SLC36A1: variants seen among roughly 807,000 people sequenced by gnomAD.
The protein encoded by SLC36A1 is solute carrier family 36 member 1.
In SLC36A1, 30 loss-of-function variants were observed where a neutral mutation model predicts 47.5. That is an observed-to-expected ratio of 0.63 (90% CI 0.47 to 0.86). SLC36A1 has a LOEUF of 0.86. Ranked by LOEUF, SLC36A1 falls within the 40% of genes least tolerant of loss-of-function variation. The pLI, the probability that SLC36A1 is intolerant of heterozygous loss-of-function variation, is 0.00. For synonymous variants in SLC36A1, 255 were observed against 249.7 expected (o/e 1.02, Z -0.20); for missense variants, 517 against 606.0 (o/e 0.85, Z 1.54).
the SLC36A1 span, among the ~76,000 whole-genome samples, chr5:151,420,451 C>T: frequency 6.6e-5 from 10 of 152,274 alleles, no homozygotes; most frequent in East Asian, 1.9e-4. Context: ...TCCTATGACA[C>T]GCTGCTGCTT....
At chr5:151,345,983 A>G in the SLC36A1 span, among the ~76,000 whole-genome samples, 3 of 152,230 alleles carry the variant, frequency 2.0e-5, no homozygotes, top group Admixed American at 1.3e-4. Context: ...TCTAGCTGGT[A>G]AGCAGCTAAG....
chr5:151,549,357 T>A, the SLC36A1 span: 2 of 1,614,048 alleles, frequency 1.2e-6, no homozygotes, highest in South Asian at 1.1e-5. Flanking sequence ...GGCTCGGACC[T>A]GCAGCAGCTC....
chr5:151,440,962 C>A (rs77237812), intron 1 of SLC36A1, among the ~76,000 whole-genome samples: 23 of 152,316 alleles, frequency 1.5e-4, no homozygotes, highest in Non-Finnish European at 5.9e-5. Context: ...TTCTACAGCA[C>A]GAGAGAGCAT....
At chr5:151,415,863 T>C in the SLC36A1 span, among the ~76,000 whole-genome samples, 26 of 152,280 alleles carry the variant, frequency 1.7e-4, no homozygotes, top group East Asian at 9.7e-4. Flanking sequence ...CCCAGCACTT[T>C]GGGAGGCTGA....
chr5:151,400,152 G>A, the SLC36A1 span, among the ~76,000 whole-genome samples: 1 of 152,170 alleles, frequency 6.6e-6, no homozygotes, highest in Admixed American at 6.5e-5. Context: ...TTCAACCCTT[G>A]CTCCCCTTCC....
the SLC36A1 span, among the ~76,000 whole-genome samples, chr5:151,408,035 TA>T: frequency 6.6e-6 from 1 of 152,336 alleles, no homozygotes; most frequent in Non-Finnish European, 1.5e-5. Context: ...CAGGGATTAT[TA>T]TCTTCATTTT....
the SLC36A1 span, chr5:151,380,296 C>A: frequency 3.8e-6 from 1 of 263,704 alleles, no homozygotes; most frequent in South Asian, 4.6e-5. Flanking sequence ...ACCAGCTTGG[C>A]CAACGTGGTG....
chr5:151,385,009 A>AGAGAGAGAGT, the SLC36A1 span, among the ~76,000 whole-genome samples: 1 of 128,466 alleles, frequency 7.8e-6, no homozygotes, highest in African/African-American at 3.6e-5. Flanking sequence ...AGAGAGAGAG[A>AGAGAGAGAGT]GTGTGTGTGT....
At chr5:151,532,636 A>C in the SLC36A1 span, among the ~76,000 whole-genome samples, 1 of 152,260 alleles carries the variant, frequency 6.6e-6, no homozygotes, top group East Asian at 1.9e-4. Context: ...ATAAAAAGTT[A>C]AGAAAACACC....
chr5:151,426,253 G>A, the SLC36A1 span, among the ~76,000 whole-genome samples: 1 of 152,116 alleles, frequency 6.6e-6, no homozygotes, highest in African/African-American at 2.4e-5. Context: ...TATAGAGAAA[G>A]AACAGTGGGC....
chr5:151,515,613 A>G, the SLC36A1 span, among the ~76,000 whole-genome samples: 1 of 152,074 alleles, frequency 6.6e-6, no homozygotes, highest in Non-Finnish European at 1.5e-5. Flanking sequence ...CCAGGCCAAA[A>G]TCTCACTACT....
chr5:151,353,263 T>C, the SLC36A1 span, among the ~76,000 whole-genome samples: 1 of 152,156 alleles, frequency 6.6e-6, no homozygotes, highest in East Asian at 1.9e-4. Context: ...ATTCTACAAA[T>C]TGTGAAACTG....
the SLC36A1 span, among the ~76,000 whole-genome samples, chr5:151,361,008 A>G: frequency 6.6e-6 from 1 of 152,184 alleles, no homozygotes; most frequent in East Asian, 1.9e-4. Flanking sequence ...AGGTTGGTGC[A>G]AAAGTAATCA....
chr5:151,550,653 G>A, the SLC36A1 span: 1 of 1,614,058 alleles, frequency 6.2e-7, no homozygotes, highest in Non-Finnish European at 8.5e-7. Flanking sequence ...CCGTTACCAG[G>A]ACACCACTGC....
chr5:151,500,905 C>T, the SLC36A1 span, among the ~76,000 whole-genome samples: 1 of 152,168 alleles, frequency 6.6e-6, no homozygotes, highest in Non-Finnish European at 1.5e-5. Flanking sequence ...CCAGAGAGCC[C>T]TCTGGTGGCT....
chr5:151,505,492 C>G, the SLC36A1 span: 29 of 1,576,094 alleles, frequency 1.8e-5, no homozygotes, highest in East Asian at 6.3e-4. Flanking sequence ...TCAACTCACC[C>G]CCTACGAGAC....
chr5:151,519,800 G>T, the SLC36A1 span, among the ~76,000 whole-genome samples: 150 of 152,190 alleles, frequency 9.9e-4, no homozygotes, highest in African/African-American at 3.3e-3. Context: ...GGTGATCCAT[G>T]AGTTTATCTA....
the SLC36A1 span, among the ~76,000 whole-genome samples, chr5:151,536,782 C>G: frequency 6.6e-6 from 1 of 152,200 alleles, no homozygotes; most frequent in East Asian, 1.9e-4. Context: ...GCATAGATAC[C>G]TTGAGATCAT....
At chr5:151,506,843 A>C in the SLC36A1 span, among the ~76,000 whole-genome samples, 1 of 152,304 alleles carries the variant, frequency 6.6e-6, no homozygotes, top group South Asian at 2.1e-4. Flanking sequence ...AGAAAAGCAC[A>C]AATGTGCAGA....
Sources: gnomAD v4.1 joint callset for allele counts (sites outside exome capture counted in the v4.1 genomes callset) on GRCh38, gnomAD v4.1.1 for gene constraint, MANE v1.5 for transcripts, NCBI Gene and HGNC (gene_info 2026-07-23, HGNC 2026-07-21) for gene names.